PDE10A: variants seen among roughly 807,000 people sequenced by gnomAD.
PDE10A encodes the protein cAMP and cAMP-inhibited cGMP 3',5'-cyclic phosphodiesterase 10A.
A neutral mutation model predicts 97.7 loss-of-function variants in PDE10A; 39 were observed. The observed-to-expected ratio is 0.40, with a 90% CI of 0.31 to 0.52. The LOEUF (loss-of-function observed/expected upper bound fraction) is 0.52. Ranked by LOEUF, PDE10A falls within the 20% of genes least tolerant of loss-of-function variation. The pLI, the probability that PDE10A is intolerant of heterozygous loss-of-function variation, is 0.56. For missense variants in PDE10A, 731 were observed against 1,047.8 expected (o/e 0.70, Z 4.17); for synonymous variants, 371 against 376.8 (o/e 0.98, Z 0.18).
intron 17 of PDE10A, among the ~76,000 whole-genome samples, chr6:165,384,627 AGTGAGTGTGTGTGTGT>A (rs2128210263): frequency 1.6e-5 from 1 of 60,664 alleles, no homozygotes; most frequent in East Asian, 4.0e-4. Flanking sequence ...TGTATGTGTG[AGTGAGTGTGTGTGTGT>A]GTGTGTGTGT....
chr6:165,727,003 C>G (rs1382519456), intron 1 of PDE10A, among the ~76,000 whole-genome samples: 1 of 152,184 alleles, frequency 6.6e-6, no homozygotes, highest in African/African-American at 2.4e-5. Flanking sequence ...GTCCACCCTC[C>G]TCGCGTGGGG....
At chr6:165,782,998 T>C (rs538708747) in intron 1 of PDE10A, among the ~76,000 whole-genome samples, 27 of 151,992 alleles carry the variant, frequency 1.8e-4, no homozygotes, top group Non-Finnish European at 2.5e-4. Flanking sequence ...TTTGTGGTCC[T>C]CTCTGATGCT....
At chr6:165,854,632 G>A (rs1780667767) in intron 1 of PDE10A, among the ~76,000 whole-genome samples, 1 of 152,192 alleles carries the variant, frequency 6.6e-6, no homozygotes, top group Admixed American at 6.5e-5. Context: ...GGTGAGGGGA[G>A]CGGGTGGCGA....
At chr6:165,366,211 T>C (rs1385646527) in intron 18 of PDE10A, among the ~76,000 whole-genome samples, 1 of 152,196 alleles carries the variant, frequency 6.6e-6, no homozygotes, top group Non-Finnish European at 1.5e-5. Flanking sequence ...GTCATGCACA[T>C]ATTAGAATGT....
chr6:165,402,443 C>T (rs1786742093), intron 13 of PDE10A, among the ~76,000 whole-genome samples: 1 of 151,940 alleles, frequency 6.6e-6, no homozygotes, highest in Admixed American at 6.6e-5. Context: ...ATAATATAAT[C>T]TAGGATTATT....
At chr6:165,736,972 A>G (rs185325078) in intron 1 of PDE10A, among the ~76,000 whole-genome samples, 81 of 152,348 alleles carry the variant, frequency 5.3e-4, no homozygotes, top group South Asian at 4.6e-3. Context: ...GAGACACTAC[A>G]TCCGATACTA....
In PDE10A at chr6:165,647,301, C is replaced by T. The variant is rs574746557; in HGVS notation, c.865+14646G>A. 4.6e-5 allele frequency among the ~76,000 whole-genome samples: 7 copies of T among 152,332 alleles called. No homozygotes were observed. In the South Asian group the frequency reaches 1.2e-3, roughly 27 times the overall value. Reference sequence around the variant, plus strand: ...GGCTCACCTAAGGCCACTCTGCCCCCGGAGCTGCCAGCGGCAGGGCCTTCC... The same window carrying T: ...GGCTCACCTAAGGCCACTCTGCCCCTGGAGCTGCCAGCGGCAGGGCCTTCC... On this transcript the variant is annotated intron_variant, in intron 1 of 21. Coordinates refer to ENST00000539869, the MANE Select transcript of PDE10A (RefSeq NM_001385079.1).
At chr6:165,875,133 A>G (rs1781298593) in intron 1 of PDE10A, among the ~76,000 whole-genome samples, 1 of 152,216 alleles carries the variant, frequency 6.6e-6, no homozygotes, top group Non-Finnish European at 1.5e-5. Context: ...CCTTGGGTTC[A>G]TCTTTTAGTA....
intron 18 of PDE10A, among the ~76,000 whole-genome samples, chr6:165,368,740 G>A (rs762286443): frequency 2.6e-5 from 4 of 152,308 alleles, no homozygotes; most frequent in South Asian, 2.1e-4. Flanking sequence ...CTCCCAGCAC[G>A]TAGCTGGAGA....
At chr6:165,867,230 G>GA (rs35066433) in intron 1 of PDE10A, among the ~76,000 whole-genome samples, 37,424 of 137,108 alleles carry the variant, frequency 0.27, 5,188 homozygotes, top group Admixed American at 0.31. Flanking sequence ...AGACTGAATG[G>GA]AAAAAAAAAA....
Position 165,671,989 on chromosome 6 carries a change from C to T in PDE10A, c.-614-128421G>A, listed in dbSNP as rs147839398. 2.2e-3 allele frequency among the ~76,000 whole-genome samples: 328 copies of T among 152,096 alleles called. 2 individuals are homozygous for T. Among genetic ancestry groups the T allele is most frequent in the Non-Finnish European group, 4.3e-3 (293 of 68,008 alleles). ...AGTCAAACTATATTACTTCCGTAAC[C>T]GTAAAATACTGGTGAAGTCTTATCT... On this transcript the variant is annotated intron_variant, in intron 1 of 19. Coordinates refer to the PDE10A transcript ENST00000366882. This position sits in a 1 kb window ranked among gnomAD's most constrained non-coding sequence, Gnocchi z 4.6.
chr6:165,981,832 C>T (rs1785029277), intron 1 of PDE10A, among the ~76,000 whole-genome samples: 1 of 151,448 alleles, frequency 6.6e-6, no homozygotes, highest in Admixed American at 6.6e-5. Context: ...GTAAATCACC[C>T]TTTGAGAGAT....
chr6:165,793,433 G>A (rs957997355), intron 1 of PDE10A, among the ~76,000 whole-genome samples: 6 of 152,006 alleles, frequency 3.9e-5, no homozygotes, highest in Admixed American at 3.9e-4. Flanking sequence ...AGGGCATTCT[G>A]GACAGTGGGA....
intron 5 of PDE10A, among the ~76,000 whole-genome samples, chr6:165,437,531 A>T (rs937292282): frequency 2.0e-5 from 3 of 152,222 alleles, no homozygotes; most frequent in African/African-American, 7.2e-5. Flanking sequence ...AGAATATGAA[A>T]AACTTCTCTA....
intron 13 of PDE10A, among the ~76,000 whole-genome samples, chr6:165,400,678 C>T (rs1786586495): frequency 6.6e-6 from 1 of 152,142 alleles, no homozygotes; most frequent in Non-Finnish European, 1.5e-5. Flanking sequence ...ACAGACCCCT[C>T]CCATGTTACC....
intron 1 of PDE10A, among the ~76,000 whole-genome samples, chr6:165,638,050 T>C (rs918192455): frequency 3.9e-5 from 6 of 152,266 alleles, no homozygotes; most frequent in African/African-American, 7.2e-5. Flanking sequence ...GTCAGTAACA[T>C]CTCTTTTTAA....
intron 1 of PDE10A, among the ~76,000 whole-genome samples, chr6:165,605,518 T>C (rs201429636): frequency 6.6e-6 from 1 of 152,192 alleles, no homozygotes; most frequent in East Asian, 1.9e-4. Flanking sequence ...CAATCAGAGT[T>C]AAAATTACTT....
At chr6:165,510,653 C>A (rs978461547) in intron 2 of PDE10A, among the ~76,000 whole-genome samples, 1 of 151,954 alleles carries the variant, frequency 6.6e-6, no homozygotes, top group Admixed American at 6.6e-5. Context: ...TCTACTGGGT[C>A]CTGAGCTTTT....
At chr6:165,578,486 T>C (rs1360505023) in intron 1 of PDE10A, among the ~76,000 whole-genome samples, 1 of 152,176 alleles carries the variant, frequency 6.6e-6, no homozygotes, top group Non-Finnish European at 1.5e-5. Context: ...AAAAATTTGA[T>C]TAGTTCCTCA....
Sources: gnomAD v4.1 joint callset for allele counts (sites outside exome capture counted in the v4.1 genomes callset) on GRCh38, gnomAD v4.1.1 for gene constraint, Gnocchi (gnomAD v3.1) non-coding constraint, MANE v1.5 for transcripts, NCBI Gene and HGNC (gene_info 2026-07-23, HGNC 2026-07-21) for gene names.